MAPKAPK3: variants seen among roughly 807,000 people sequenced by gnomAD.
The protein encoded by MAPKAPK3 is MAP kinase-activated protein kinase 3.
In MAPKAPK3, 35 loss-of-function variants were observed where a neutral mutation model predicts 49.2. That is an observed-to-expected ratio of 0.71 (90% CI 0.54 to 0.94). The LOEUF (loss-of-function observed/expected upper bound fraction) is 0.94, where lower values mean the gene tolerates loss of function less well. MAPKAPK3 is among the 40% of genes least tolerant of loss of function. MAPKAPK3 has a pLI of 0.00. For missense variants in MAPKAPK3, 398 were observed against 493.1 expected (o/e 0.81, Z 1.83); for synonymous variants, 178 against 188.7 (o/e 0.94, Z 0.46).
At chr3:50,640,651 C>T (rs924336888) in intron 3 of MAPKAPK3, 146 bp downstream of exon 3, 20 of 995,402 alleles carry the variant, frequency 2.0e-5, no homozygotes, top group African/African-American at 1.6e-4. Flanking sequence ...AGCAGGCAGC[C>T]GCAGGCCCTG....
At chr3:50,612,825 G>C (rs1177164089), upstream of MAPKAPK3, 1 of 152,172 alleles carries the variant, frequency 6.6e-6, no homozygotes, top group Non-Finnish European at 1.5e-5. Flanking sequence ...GGGCAGAGTA[G>C]TAACACTCGC....
intron 7 of MAPKAPK3, 136 bp downstream of exon 7, chr3:50,645,921 T>G: frequency 2.0e-6 from 2 of 995,260 alleles, no homozygotes; most frequent in Non-Finnish European, 3.1e-6. Flanking sequence ...CAGGCTGCCC[T>G]TCCCTTTTGG....
chr3:50,639,025 A>G (rs2033109152), intron 2 of MAPKAPK3, among the ~76,000 whole-genome samples: 3 of 152,000 alleles, frequency 2.0e-5, no homozygotes, highest in Non-Finnish European at 2.9e-5. Context: ...ATGCATGCTG[A>G]CTTCTTCTTC....
At position 50,633,901 on chromosome 3, in the gene MAPKAPK3, T is replaced by C. The variant is rs966828324; in HGVS notation, c.220-6465T>C. Among the ~76,000 whole-genome samples the C allele has an allele frequency of 1.4e-4, 22 of 152,212 alleles. 1 individual carries two copies. The highest frequency in any genetic ancestry group is 4.8e-4 in the African/African-American group (20 of 41,440). ...TTCCTCCACCCACAAGTAAACCCTG[T>C]CCTTGGGTGGAAAGGGATATAGTGG... On this transcript the variant is annotated intron_variant, in intron 2 of 10. Coordinates refer to ENST00000621469, the MANE Select transcript of MAPKAPK3 (RefSeq NM_001243925.2).
intron 2 of MAPKAPK3, among the ~76,000 whole-genome samples, chr3:50,624,714 G>C (rs2032696857): frequency 6.6e-6 from 1 of 152,200 alleles, no homozygotes; most frequent in Non-Finnish European, 1.5e-5. Flanking sequence ...GGTGGAGGCA[G>C]TAGTTGGAAC....
intron 2 of MAPKAPK3, among the ~76,000 whole-genome samples, chr3:50,619,126 A>G (rs1283921882): frequency 6.6e-6 from 1 of 152,200 alleles, no homozygotes; most frequent in African/African-American, 2.4e-5. Flanking sequence ...ATTCATGGGG[A>G]AAGATAAGGA....
upstream of MAPKAPK3, among the ~76,000 whole-genome samples, chr3:50,616,944 G>A (rs1171124514): frequency 1.3e-5 from 2 of 152,044 alleles, no homozygotes; most frequent in African/African-American, 4.8e-5. Flanking sequence ...CCTGGAAACC[G>A]AGGAAGTAAC....
chr3:50,628,265 C>G (rs924280947), intron 2 of MAPKAPK3, among the ~76,000 whole-genome samples: 1 of 152,204 alleles, frequency 6.6e-6, no homozygotes, highest in South Asian at 2.1e-4. Context: ...CTGGCCACCC[C>G]TGCTAGGGAG....
At chr3:50,616,627 G>T (rs1259126396), upstream of MAPKAPK3, among the ~76,000 whole-genome samples, 2 of 152,166 alleles carry the variant, frequency 1.3e-5, no homozygotes, top group African/African-American at 4.8e-5. Context: ...AAAGGGGGCA[G>T]TCGCCAGTGC....
chr3:50,615,313 A>C (rs1474090900), upstream of MAPKAPK3, among the ~76,000 whole-genome samples: 1 of 152,156 alleles, frequency 6.6e-6, no homozygotes, highest in Admixed American at 6.5e-5. Flanking sequence ...GCATAAATGC[A>C]TGTGTGTGTG....
At chr3:50,636,604 G>A (rs1185089383) in intron 2 of MAPKAPK3, among the ~76,000 whole-genome samples, 1 of 152,096 alleles carries the variant, frequency 6.6e-6, no homozygotes, top group Non-Finnish European at 1.5e-5. Flanking sequence ...CTTGAGACCT[G>A]GGCATTTTAC....
At position 50,648,932 on chromosome 3, in the gene MAPKAPK3, A is replaced by G. The variant is rs969712414; in HGVS notation, c.*886A>G. 8 of 152,282 alleles carry G rather than the reference A, an allele frequency of 5.3e-5. No individual in the cohort carries two copies. Among genetic ancestry groups the G allele is most frequent in the African/African-American group, 1.9e-4 (8 of 41,468 alleles). 9.4% of individuals were successfully genotyped at this position (152,282 alleles called of 1,614,324 possible). ...GCTATCTTTTGGTATACTTGTGTGAAAGTGGCTGGTTGGGAGCAGAGCTAA... is the reference window on the plus strand; with the variant it reads ...GCTATCTTTTGGTATACTTGTGTGAGAGTGGCTGGTTGGGAGCAGAGCTAA... On this transcript the variant is annotated 3_prime_UTR_variant, in exon 11 of 11. Coordinates refer to ENST00000621469, the MANE Select transcript of MAPKAPK3 (RefSeq NM_001243925.2).
At chr3:50,637,951 T>C (rs563110727) in intron 2 of MAPKAPK3, among the ~76,000 whole-genome samples, 2 of 151,598 alleles carry the variant, frequency 1.3e-5, no homozygotes, top group East Asian at 1.9e-4. Context: ...GGAAGTGAGG[T>C]GGGAAAGGAA....
intron 2 of MAPKAPK3, among the ~76,000 whole-genome samples, chr3:50,621,907 T>G (rs1045699404): frequency 2.0e-5 from 3 of 152,250 alleles, no homozygotes; most frequent in African/African-American, 7.2e-5. Flanking sequence ...TGGAGGCTCT[T>G]CTAGGCTCCC....
At chr3:50,647,858 T>G (rs1213969203) in intron 10 of MAPKAPK3, 36 bp from the exon 11 acceptor site, 1 of 1,594,300 alleles carries the variant, frequency 6.3e-7, no homozygotes. Context: ...CAGTACATCC[T>G]GACCTCTTAG....
chr3:50,620,541 A>ATGCT (rs2032585071), intron 2 of MAPKAPK3, among the ~76,000 whole-genome samples: 1 of 152,144 alleles, frequency 6.6e-6, no homozygotes, highest in African/African-American at 2.4e-5. Flanking sequence ...GAAACTCAGC[A>ATGCT]AACACTCATA....
upstream of MAPKAPK3, among the ~76,000 whole-genome samples, chr3:50,615,983 T>C (rs923627500): frequency 1.3e-4 from 20 of 152,068 alleles, no homozygotes; most frequent in Non-Finnish European, 1.9e-4. Context: ...GTGCGTGTGT[T>C]AACCAGAGGG....
intron 6 of MAPKAPK3, 111 bp from the exon 7 acceptor site, chr3:50,645,599 C>A (rs940551018): frequency 1.3e-6 from 1 of 774,174 alleles, no homozygotes; most frequent in Non-Finnish European, 2.2e-6. Context: ...GTCTGCTCTG[C>A]CCTACCTCCC....
At chr3:50,641,660 A>T (rs369078904) in intron 3 of MAPKAPK3, 47 bp from the exon 4 acceptor site, 17 of 1,482,374 alleles carry the variant, frequency 1.1e-5, no homozygotes, top group African/African-American at 1.4e-5. Flanking sequence ...CAAGGGTAGG[A>T]TGATGTGCAG....
Sources: gnomAD v4.1 joint callset for allele counts (sites outside exome capture counted in the v4.1 genomes callset) on GRCh38, gnomAD v4.1.1 for gene constraint, MANE v1.5 for transcripts, NCBI Gene and HGNC (gene_info 2026-07-23, HGNC 2026-07-21) for gene names.